The following DRC3 variants were observed in gnomAD, a reference collection of about 807,000 sequenced individuals.
DRC3 encodes leucine rich repeat containing 48.
DRC3 carries 45 observed loss-of-function variants against 57.6 expected under a neutral mutation model. The observed-to-expected ratio is 0.78, with a 90% CI of 0.62 to 1.00. The LOEUF is 1.00. Ranked by LOEUF, DRC3 falls within the 50% of genes least tolerant of loss-of-function variation. DRC3 has a pLI of 0.00. For synonymous variants in DRC3, 257 were observed against 272.3 expected (o/e 0.94, Z 0.55); for missense variants, 655 against 675.2 (o/e 0.97, Z 0.33).
At chr17:18,006,144 C>CTAAA in intron 10 of DRC3, 39 bp from the exon 11 acceptor site, 1 of 1,492,674 alleles carries the variant, frequency 6.7e-7, no homozygotes, top group Non-Finnish European at 9.3e-7. Flanking sequence ...TGCTGGACAT[C>CTAAA]TAAATATGCA....
In DRC3 at chr17:17,995,002, G is replaced by A. The variant is rs763990104; in HGVS notation, c.715G>A (p.Ala239Thr). Residue 239 changes from alanine to threonine, a missense_variant, in exon 8 of 14, where the codon GCG (alanine) becomes ACG (threonine). Transcript: ENST00000399187. Reference sequence around the variant, plus strand: ...CTACGTGTGTTTCTGCCTGCAGACTGCGTTTGTGGAACACCTGAATGGCTC... The same window carrying A: ...CTACGTGTGTTTCTGCCTGCAGACTACGTTTGTGGAACACCTGAATGGCTC... ...QREELEKHKT[A>T]FVEHLNGSFL... 36 of 1,613,678 alleles carry A rather than the reference G, an allele frequency of 2.2e-5. No homozygotes were observed. Among genetic ancestry groups the A allele is most frequent in the Non-Finnish European group, 2.9e-5 (34 of 1,179,614 alleles).
intron 5 of DRC3, chr17:17,988,353 A>T: frequency 2.0e-6 from 1 of 495,622 alleles, no homozygotes; most frequent in East Asian, 3.7e-5. Context: ...TGTGTCTTGC[A>T]CTTATTTAAC....
In DRC3 at chr17:17,977,764, T is replaced by A; in HGVS notation, c.160+6T>A. On this transcript the variant is annotated splice_donor_region_variant and intron_variant, in intron 3 of 13. Transcript: ENST00000399187. ...CCTGCAGCTGGACTTTCGGAGTATG[T>A]ATCCAAGGTTCAGGGGTGGTGGCCA... 1 of 1,590,958 alleles carries A rather than the reference T, an allele frequency of 6.3e-7. No individual in the cohort carries two copies. Among genetic ancestry groups the A allele is most frequent in the South Asian group, 1.1e-5 (1 of 87,924 alleles).
At chr17:17,975,147 G>A (rs1287579071) in intron 2 of DRC3, among the ~76,000 whole-genome samples, 1 of 152,056 alleles carries the variant, frequency 6.6e-6, no homozygotes, top group Non-Finnish European at 1.5e-5. Context: ...TGATGAAGTA[G>A]GAGGGATAAG....
intron 1 of DRC3, among the ~76,000 whole-genome samples, chr17:17,973,434 G>A (rs940086257): frequency 6.6e-6 from 1 of 152,064 alleles, no homozygotes; most frequent in Non-Finnish European, 1.5e-5. Flanking sequence ...CTCATTGTAC[G>A]ACTTTGGACA....
At chr17:17,987,803 G>A (rs914982016) in intron 4 of DRC3, 129 bp from the exon 5 acceptor site, 1 of 874,180 alleles carries the variant, frequency 1.1e-6, no homozygotes, top group African/African-American at 1.7e-5. Flanking sequence ...ATTAGACAGT[G>A]AGTCAAATTC....
chr17:18,007,147 G>T lies in DRC3; in HGVS notation c.1326G>T (p.Ala442=), dbSNP rs368285580. 1 of 1,504,914 alleles carries T rather than the reference G, an allele frequency of 6.6e-7. No individual in the cohort carries two copies. Among genetic ancestry groups the T allele is most frequent in the Non-Finnish European group, 8.9e-7 (1 of 1,117,910 alleles). The allele number at this position is 1,504,914 out of a possible 1,614,324, so 93.2% of individuals were successfully genotyped here. ...AGGACCTGCCTAACGACCTGCGCGCGGTAGGCGGGGCGGGCTGCTCGGAGC... is the reference window on the plus strand; with the variant it reads ...AGGACCTGCCTAACGACCTGCGCGCTGTAGGCGGGGCGGGCTGCTCGGAGC... ...LDEDLPNDLR[A]LFVDKDTIVN... Residue 442 remains alanine (A), a splice_region_variant and synonymous_variant, in exon 12 of 14, where the codon GCG becomes GCT. Coordinates refer to ENST00000399187, the MANE Select transcript of DRC3 (RefSeq NM_031294.4).
Position 18,001,230 on chromosome 17 carries a change from G to A in DRC3, c.1000-3133G>A, listed in dbSNP as rs551025677. Among the ~76,000 whole-genome samples, 14 of 152,192 alleles carry A rather than the reference G, an allele frequency of 9.2e-5. 1 individual carries two copies. The South Asian group carries it at 2.5e-3, about 27-fold the overall frequency. ...TTAAAAAGTTATTACCTGGCTGGGC[G>A]TGGTAGCTCACGTCTGTAATCTCAG... On this transcript the variant is annotated intron_variant, in intron 9 of 13. Transcript: ENST00000399187.
At chr17:17,992,410 T>C (rs1232709113) in intron 5 of DRC3, among the ~76,000 whole-genome samples, 1 of 152,244 alleles carries the variant, frequency 6.6e-6, no homozygotes, top group Non-Finnish European at 1.5e-5. Context: ...TATAGCTTAT[T>C]TCACTTGGTC....
chr17:17,988,323 A>G (rs769473217), intron 5 of DRC3: 7 of 552,174 alleles, frequency 1.3e-5, no homozygotes, highest in Admixed American at 3.2e-5. Context: ...CAACCTCCAC[A>G]TTAGTGGCGG....
At chr17:18,006,965 A>C (rs552349298) in intron 11 of DRC3, 59 bp from the exon 12 acceptor site, 1 of 1,602,020 alleles carries the variant, frequency 6.2e-7, no homozygotes, top group South Asian at 1.1e-5. Context: ...GCCGTCTGAG[A>C]GCATCAGGGA....
intron 11 of DRC3, 191 bp from the exon 12 acceptor site, chr17:18,006,833 C>G: frequency 1.3e-6 from 1 of 774,062 alleles, no homozygotes; most frequent in Non-Finnish European, 2.0e-6. Context: ...GGCCGAGGGT[C>G]CGTCCGAGGT....
At chr17:18,005,884 T>C (rs1196163436) in intron 10 of DRC3, 2 of 379,256 alleles carry the variant, frequency 5.3e-6, no homozygotes, top group East Asian at 5.1e-5. Flanking sequence ...GTTGGCTGTG[T>C]GTGTGTGTGT....
intron 8 of DRC3, 123 bp from the exon 9 acceptor site, chr17:17,997,337 G>T: frequency 1.2e-6 from 1 of 831,076 alleles, no homozygotes; most frequent in Non-Finnish European, 1.8e-6. Flanking sequence ...GAGACCAGGA[G>T]TTTGAGTCTC....
At chr17:18,002,558 G>A (rs1323651195) in intron 9 of DRC3, among the ~76,000 whole-genome samples, 1 of 152,178 alleles carries the variant, frequency 6.6e-6, no homozygotes, top group Admixed American at 6.5e-5. Context: ...GGGGTTCTGT[G>A]TGGGTTCAAT....
chr17:18,003,486 A>T (rs1255755370), intron 9 of DRC3, among the ~76,000 whole-genome samples: 5 of 12,852 alleles, frequency 3.9e-4, no homozygotes, highest in Non-Finnish European at 7.2e-4. Flanking sequence ...TACGTCTTTA[A>T]AAAAAAAAAA....
At position 17,982,316 on chromosome 17, in the gene DRC3, C is replaced by T. The variant is rs147656513; in HGVS notation, c.161-1512C>T. ...CTGAAAGCTCCGCCTCCTGGGTTCACGCCATTCTCCTGCCTCAGCCTCCCG... is the reference window on the plus strand; with the variant it reads ...CTGAAAGCTCCGCCTCCTGGGTTCATGCCATTCTCCTGCCTCAGCCTCCCG... On this transcript the variant is annotated intron_variant, in intron 3 of 13. Transcript: ENST00000399187. 7.1e-3 allele frequency among the ~76,000 whole-genome samples: 1,062 copies of T among 148,580 alleles called. 13 individuals are homozygous for T. The highest frequency in any genetic ancestry group is 0.023 in the African/African-American group (944 of 40,294).
intron 3 of DRC3, chr17:17,981,267 G>C (rs1217546047): frequency 3.7e-6 from 1 of 272,604 alleles, no homozygotes; most frequent in African/African-American, 2.3e-5. Context: ...GGAACAGGAT[G>C]ATGGCCAGGA....
chr17:17,988,057 G>T lies in DRC3; in HGVS notation c.403G>T (p.Val135Leu). Reference sequence around the variant, plus strand: ...CCTGGACGCCCTCGTCAAGCTGCAGGTGTTGTCGCTGGGCAACAACCGGAT... The same window carrying T: ...CCTGGACGCCCTCGTCAAGCTGCAGTTGTTGTCGCTGGGCAACAACCGGAT... ...DSLDALVKLQ[V>L]LSLGNNRIDN... The change falls in exon 5 of 14, where the codon GTG becomes TTG. Residue 135 changes from valine (V) to leucine (L), a missense_variant. Transcript: ENST00000399187. 2 of 1,613,950 alleles carry T rather than the reference G, an allele frequency of 1.2e-6. No homozygotes were observed. Among genetic ancestry groups the T allele is most frequent in the Non-Finnish European group, 1.7e-6 (2 of 1,179,888 alleles).
Sources: allele counts gnomAD v4.1 joint callset (sites outside exome capture counted in the v4.1 genomes callset), GRCh38; gene constraint gnomAD v4.1.1; transcripts MANE v1.5; gene names NCBI Gene and HGNC (gene_info 2026-07-23, HGNC 2026-07-21).